MTMR12: variants seen among roughly 807,000 people sequenced by gnomAD.
MTMR12 encodes the protein myotubularin-related protein 12.
Under a neutral mutation model 96.7 loss-of-function variants are expected in MTMR12, and 33 were observed. The ratio of observed to expected loss-of-function variants is 0.34; its 90% confidence interval spans 0.26 to 0.46. The LOEUF (loss-of-function observed/expected upper bound fraction) is 0.46. Among genes scored for constraint, MTMR12 ranks in the 20% least tolerant of loss-of-function variants. MTMR12 has a pLI of 1.00. For missense variants in MTMR12, 721 were observed against 896.1 expected, an observed-to-expected ratio of 0.80 and a Z score of 2.49; for synonymous variants, 298 against 327.2, an observed-to-expected ratio of 0.91 and a Z score of 0.96.
chr5:32,231,156 G>A (rs1425605251), intron 15 of MTMR12, among the ~76,000 whole-genome samples: 3 of 152,106 alleles, frequency 2.0e-5, no homozygotes, highest in African/African-American at 2.4e-5. Flanking sequence ...TTGGGAGACC[G>A]AGGCGGGCAG....
chr5:32,244,810 C>A (rs896893802), intron 10 of MTMR12, among the ~76,000 whole-genome samples: 1 of 152,074 alleles, frequency 6.6e-6, no homozygotes, highest in Non-Finnish European at 1.5e-5. Context: ...CAACGACTAG[C>A]ATAGTTAATA....
intron 1 of MTMR12, among the ~76,000 whole-genome samples, chr5:32,292,513 A>G (rs1388515677): frequency 6.6e-6 from 1 of 152,188 alleles, no homozygotes; most frequent in East Asian, 1.9e-4. Context: ...TTAAGTCAAT[A>G]GGCTAAGAAG....
chr5:32,312,879 G>A lies in MTMR12; in HGVS notation c.-41C>T, dbSNP rs564777018. The A allele has an allele frequency of 1.2e-4, 181 of 1,496,518 alleles. 2 individuals are homozygous for A. In the South Asian group the frequency reaches 2.1e-3, roughly 18 times the overall value. 92.7% of individuals were successfully genotyped at this position (1,496,518 alleles called of 1,614,324 possible). On this transcript the variant is annotated 5_prime_UTR_variant, in exon 1 of 16. Transcript: ENST00000382142. This position sits in a 1 kb window ranked among gnomAD's most constrained non-coding sequence, Gnocchi z 5.0. Reference sequence around the variant, plus strand: ...AGCAGCGACGCGCGGACGCAGAGGCGGCGGCTCGGGCTCCAGCTGGGGCAG... The same window carrying A: ...AGCAGCGACGCGCGGACGCAGAGGCAGCGGCTCGGGCTCCAGCTGGGGCAG...
chr5:32,293,065 G>A lies in MTMR12; in HGVS notation c.82-16323C>T, dbSNP rs578018694. Among the ~76,000 whole-genome samples, 13 of 152,308 alleles carry A rather than the reference G, an allele frequency of 8.5e-5. No individual in the cohort carries two copies. In the South Asian group the frequency reaches 2.7e-3, roughly 32 times the overall value. ...TGAGTTTCCAGTTGTATGAAGGATA[G>A]TTGTGTTATGTTAGGCGTAATTATG... On this transcript the variant is annotated intron_variant, in intron 1 of 15. Coordinates refer to ENST00000382142, the MANE Select transcript of MTMR12 (RefSeq NM_001040446.3).
At chr5:32,239,467 T>TG (rs1453086573) in intron 12 of MTMR12, among the ~76,000 whole-genome samples, 2 of 152,200 alleles carry the variant, frequency 1.3e-5, no homozygotes, top group African/African-American at 4.8e-5. Context: ...TTTCAGCTTG[T>TG]GGGGGTCTAG....
At chr5:32,235,371 T>C (rs1304277186) in intron 13 of MTMR12, among the ~76,000 whole-genome samples, 1 of 152,252 alleles carries the variant, frequency 6.6e-6, no homozygotes, top group Non-Finnish European at 1.5e-5. Flanking sequence ...AAAAACCTCA[T>C]TATGGATCAG....
At chr5:32,265,744 A>G (rs934061887) in intron 6 of MTMR12, among the ~76,000 whole-genome samples, 12 of 152,250 alleles carry the variant, frequency 7.9e-5, no homozygotes, top group African/African-American at 2.4e-4. Flanking sequence ...TCTGTCCTCA[A>G]TAATATGCAG....
intron 7 of MTMR12, among the ~76,000 whole-genome samples, chr5:32,258,514 A>G (rs948201299): frequency 2.0e-5 from 3 of 152,148 alleles, no homozygotes; most frequent in Admixed American, 1.3e-4. Context: ...TGGGATGAAC[A>G]CTGTTGTTCC....
chr5:32,234,066 G>C (rs536637977), intron 14 of MTMR12, 132 bp from the exon 15 acceptor site: 1 of 1,076,760 alleles, frequency 9.3e-7, no homozygotes, highest in African/African-American at 1.6e-5. Flanking sequence ...GGCATTTAAG[G>C]CTGAGGCTAC....
intron 1 of MTMR12, among the ~76,000 whole-genome samples, chr5:32,290,620 T>C (rs960548485): frequency 6.6e-6 from 1 of 152,162 alleles, no homozygotes; most frequent in Non-Finnish European, 1.5e-5. Context: ...ACCCATTTAT[T>C]GAGTGGGGTC....
intron 1 of MTMR12, among the ~76,000 whole-genome samples, chr5:32,299,250 C>T (rs1393728474): frequency 6.6e-6 from 1 of 152,162 alleles, no homozygotes; most frequent in Non-Finnish European, 1.5e-5. Context: ...ATTTTATTCC[C>T]ATTTCACAGA....
At chr5:32,250,850 G>GA (rs1284708136) in intron 8 of MTMR12, among the ~76,000 whole-genome samples, 2 of 152,058 alleles carry the variant, frequency 1.3e-5, no homozygotes, top group South Asian at 2.1e-4. Flanking sequence ...ACAGTAAATA[G>GA]AAAAAAACAA....
intron 1 of MTMR12, among the ~76,000 whole-genome samples, chr5:32,292,938 CAT>C (rs1274889542): frequency 6.6e-6 from 1 of 152,178 alleles, no homozygotes; most frequent in Admixed American, 6.5e-5. Flanking sequence ...TGCATATATA[CAT>C]GTTTTATTTC....
At chr5:32,231,383 A>G (rs1747991062) in intron 15 of MTMR12, among the ~76,000 whole-genome samples, 1 of 144,220 alleles carries the variant, frequency 6.9e-6, no homozygotes, top group Non-Finnish European at 1.5e-5. Flanking sequence ...CTGGCTCGCA[A>G]AAAAAAAAAA....
At chr5:32,260,817 CATG>C (rs1749335234) in intron 7 of MTMR12, among the ~76,000 whole-genome samples, 1 of 151,636 alleles carries the variant, frequency 6.6e-6, no homozygotes, top group South Asian at 2.1e-4. Context: ...CTATCAGAAC[CATG>C]ATACAAAGAG....
In MTMR12 at chr5:32,233,926, T is replaced by C. The variant is rs763424140; in HGVS notation, c.1521A>G (p.Glu507=). 4 of 1,614,166 alleles carry C rather than the reference T, an allele frequency of 2.5e-6. No homozygotes were observed. In the South Asian group the frequency reaches 4.4e-5, roughly 18 times the overall value. ...PHQKDTNMGR[E]GQDTQSKPLN... ...AAGGCTTGCTTTGTGTATCCTGGCC[T>C]TCTCTACCCTGCCAAAACAAGCACA... The change falls in exon 15 of 16, where the codon GAA becomes GAG. Residue 507 remains glutamate, a synonymous_variant. Coordinates refer to ENST00000382142, the MANE Select transcript of MTMR12 (RefSeq NM_001040446.3). The surrounding 1 kb of genome is among the most constrained non-coding windows in gnomAD (Gnocchi z 5.0).
At chr5:32,258,020 A>G (rs1443956171) in intron 7 of MTMR12, among the ~76,000 whole-genome samples, 9 of 152,080 alleles carry the variant, frequency 5.9e-5, no homozygotes, top group African/African-American at 2.2e-4. Flanking sequence ...CCAGCTACTC[A>G]GGAGACTGAG....
At chr5:32,240,496 T>G (rs1387438040) in intron 12 of MTMR12, among the ~76,000 whole-genome samples, 1 of 151,878 alleles carries the variant, frequency 6.6e-6, no homozygotes, top group South Asian at 2.1e-4. Flanking sequence ...GCACTATGGG[T>G]CCAAGCTTAC....
chr5:32,292,549 C>G (rs1165606672), intron 1 of MTMR12, among the ~76,000 whole-genome samples: 1 of 152,180 alleles, frequency 6.6e-6, no homozygotes, highest in Non-Finnish European at 1.5e-5. Context: ...GCCGGGGTGA[C>G]TGACCTGGAC....
Sources: allele counts gnomAD v4.1 joint callset (sites outside exome capture counted in the v4.1 genomes callset), GRCh38; gene constraint gnomAD v4.1.1; non-coding constraint Gnocchi (gnomAD v3.1); transcripts MANE v1.5; gene names NCBI Gene and HGNC (gene_info 2026-07-23, HGNC 2026-07-21).